NCOA7: variants seen among roughly 807,000 people sequenced by gnomAD.
The protein encoded by NCOA7 is 140 kDa estrogen receptor-associated protein.
A neutral mutation model predicts 104.3 loss-of-function variants in NCOA7; 45 were observed. The observed-to-expected ratio is 0.43, with a 90% confidence interval of 0.34 to 0.55. The LOEUF is 0.55. Among genes scored for constraint, NCOA7 ranks in the 20% least tolerant of loss-of-function variants. The pLI is 0.02. For missense variants in NCOA7, 1,041 were observed against 1,119.7 expected (o/e 0.93, Z 1.00); for synonymous variants, 398 against 402.3 (o/e 0.99, Z 0.13).
At chr6:125,924,381 A>G (rs1424506058) in intron 13 of NCOA7, among the ~76,000 whole-genome samples, 1 of 152,188 alleles carries the variant, frequency 6.6e-6, no homozygotes, top group Non-Finnish European at 1.5e-5. Flanking sequence ...TGAATCATGT[A>G]CCCTGGAGGC....
chr6:125,843,683 C>T (rs1435865289), intron 2 of NCOA7, among the ~76,000 whole-genome samples: 1 of 152,102 alleles, frequency 6.6e-6, no homozygotes, highest in East Asian at 1.9e-4. Context: ...TATAGCACAA[C>T]ACAATTCTCT....
chr6:125,921,164 C>CT (rs1197056896), intron 12 of NCOA7, 96 bp downstream of exon 12: 6 of 1,457,398 alleles, frequency 4.1e-6, no homozygotes, highest in Non-Finnish European at 5.5e-6. Flanking sequence ...AATCCTCACA[C>CT]TTTGGGAGGC....
intron 4 of NCOA7, among the ~76,000 whole-genome samples, chr6:125,877,304 C>A (rs1240690327): frequency 6.6e-6 from 1 of 152,184 alleles, no homozygotes; most frequent in Non-Finnish European, 1.5e-5. Context: ...TTTCACCAGT[C>A]CACATCTTCC....
At chr6:125,839,073 C>G (rs919180668) in intron 2 of NCOA7, among the ~76,000 whole-genome samples, 1 of 152,044 alleles carries the variant, frequency 6.6e-6, no homozygotes, top group African/African-American at 2.4e-5. Flanking sequence ...GGTTCATTAC[C>G]TATGCATGAT....
chr6:125,927,148 A>G (rs1339991065), intron 13 of NCOA7, among the ~76,000 whole-genome samples: 1 of 152,198 alleles, frequency 6.6e-6, no homozygotes, highest in Non-Finnish European at 1.5e-5. Flanking sequence ...TATAATTTTA[A>G]TTTAATAAGC....
At chr6:125,911,190 C>T (rs957909019) in intron 10 of NCOA7, among the ~76,000 whole-genome samples, 12 of 152,184 alleles carry the variant, frequency 7.9e-5, no homozygotes, top group African/African-American at 2.7e-4. Context: ...TGATTTACAG[C>T]TGTGATGTTT....
chr6:125,873,310 C>A (rs758293671), intron 3 of NCOA7, among the ~76,000 whole-genome samples: 12 of 152,206 alleles, frequency 7.9e-5, no homozygotes, highest in Non-Finnish European at 1.6e-4. Context: ...TTTCTTCCCC[C>A]ACTTCACACT....
chr6:125,857,344 C>T (rs1016411851), intron 3 of NCOA7, among the ~76,000 whole-genome samples: 2 of 151,604 alleles, frequency 1.3e-5, no homozygotes, highest in Non-Finnish European at 2.9e-5. Context: ...CTCAAGCAGT[C>T]CTTCTGCCTC....
At position 125,928,670 on chromosome 6, in the gene NCOA7, T is replaced by A. The variant is rs1196355266; in HGVS notation, c.2728T>A (p.Tyr910Asn). The A allele has an allele frequency of 6.2e-7, 1 of 1,613,712 alleles. No homozygotes were observed. The highest frequency in any genetic ancestry group is 1.7e-5 in the Admixed American group (1 of 59,976). Residue 910 changes from tyrosine (Y) to asparagine (N), a missense_variant, in exon 16 of 16, where the codon TAC (tyrosine) becomes AAC (asparagine). Transcript: ENST00000392477. ...TGGTTTATGGCTAGATGCTGATTTA[T>A]ACCACGGACGAAGCAACTCTTGCAG... ...RFGLWLDADL[Y>N]HGRSNSCSTF... is the part of the protein sequence containing the mutation.
intron 10 of NCOA7, among the ~76,000 whole-genome samples, chr6:125,899,674 A>G (rs1326571292): frequency 6.6e-6 from 1 of 152,170 alleles, no homozygotes; most frequent in African/African-American, 2.4e-5. Flanking sequence ...GTAATTATTG[A>G]TTATTTTATG....
At chr6:125,921,141 G>A in intron 12 of NCOA7, 73 bp downstream of exon 12, 6 of 1,552,702 alleles carry the variant, frequency 3.9e-6, no homozygotes, top group Non-Finnish European at 5.2e-6. Flanking sequence ...CAGGTACAGT[G>A]GCTCATGCCT....
chr6:125,822,026 G>C (rs908826941), intron 2 of NCOA7, among the ~76,000 whole-genome samples: 8 of 152,196 alleles, frequency 5.3e-5, no homozygotes, highest in Admixed American at 5.2e-4. Context: ...TCTCTTTGTG[G>C]TGTGCCAGTG....
At chr6:125,856,245 G>T (rs1014867906) in intron 3 of NCOA7, among the ~76,000 whole-genome samples, 1 of 152,026 alleles carries the variant, frequency 6.6e-6, no homozygotes, top group East Asian at 1.9e-4. Flanking sequence ...ATGAAATGTG[G>T]TCTCATAGCA....
intron 2 of NCOA7, among the ~76,000 whole-genome samples, chr6:125,837,790 CA>C (rs1358730751): frequency 6.6e-6 from 1 of 152,190 alleles, no homozygotes; most frequent in Non-Finnish European, 1.5e-5. Flanking sequence ...ATTTTCTCAT[CA>C]TTGCACTTAT....
rs139206421 is a variant in NCOA7 at position 125,847,592 on chromosome 6, G to A, written c.51-7428G>A. On this transcript the variant is annotated intron_variant, in intron 2 of 15. Coordinates refer to ENST00000392477, the MANE Select transcript of NCOA7 (RefSeq NM_181782.5). ...TAGTTCAGTACATTTTAAATTATGTGTGGCTAATATGTAGAAAGCTGAAAC... is the reference window on the plus strand; with the variant it reads ...TAGTTCAGTACATTTTAAATTATGTATGGCTAATATGTAGAAAGCTGAAAC... Among the ~76,000 whole-genome samples, 553 of 152,236 alleles carry A rather than the reference G, an allele frequency of 3.6e-3. 4 individuals are homozygous for A. Among genetic ancestry groups the A allele is most frequent in the Middle Eastern group, 0.024 (7 of 294 alleles).
chr6:125,881,263 A>G (rs998368645), intron 6 of NCOA7, 60 bp downstream of exon 6: 3 of 1,195,832 alleles, frequency 2.5e-6, no homozygotes, highest in Admixed American at 1.7e-5. Context: ...AAGTTGTAGA[A>G]TTCAACATGT....
intron 2 of NCOA7, among the ~76,000 whole-genome samples, chr6:125,832,428 A>G (rs981779170): frequency 2.0e-5 from 3 of 152,184 alleles, no homozygotes; most frequent in African/African-American, 7.2e-5. Context: ...TTAACTACTT[A>G]AGGGATGAAC....
At chr6:125,918,881 A>G (rs1260129375) in intron 11 of NCOA7, among the ~76,000 whole-genome samples, 1 of 152,030 alleles carries the variant, frequency 6.6e-6, no homozygotes, top group African/African-American at 2.4e-5. Context: ...TTGAGATTCA[A>G]GCTTATACCA....
intron 3 of NCOA7, among the ~76,000 whole-genome samples, chr6:125,860,113 C>T (rs1306532089): frequency 1.3e-5 from 2 of 152,118 alleles, no homozygotes; most frequent in African/African-American, 4.8e-5. Flanking sequence ...TGAGCCCTTT[C>T]GTGCTTTCAT....
Sources: gnomAD v4.1 joint callset for allele counts (sites outside exome capture counted in the v4.1 genomes callset) on GRCh38, gnomAD v4.1.1 for gene constraint, MANE v1.5 for transcripts, NCBI Gene and HGNC (gene_info 2026-07-23, HGNC 2026-07-21) for gene names.